Variants in CHN2 observed in about 807,000 individuals in gnomAD.
The protein encoded by CHN2 is beta-chimaerin.
In CHN2, 35 loss-of-function variants were observed where a neutral mutation model predicts 56.3. That is an observed-to-expected ratio of 0.62 (90% CI 0.47 to 0.82). CHN2 has a LOEUF of 0.82. CHN2 is among the 40% of genes least tolerant of loss of function. The pLI is 0.00. For synonymous variants in CHN2, 210 were observed against 212.8 expected (o/e 0.99, Z 0.12); for missense variants, 491 against 580.5 (o/e 0.85, Z 1.58).
intron 6 of CHN2, chr7:29,401,387 G>A (rs1389350644): frequency 6.6e-6 from 1 of 152,018 alleles, no homozygotes; most frequent in Non-Finnish European, 1.5e-5. Flanking sequence ...TCATTTGTGG[G>A]TTTATTTGGA....
intron 12 of CHN2, among the ~76,000 whole-genome samples, chr7:29,510,175 C>T (rs891417918): frequency 3.9e-5 from 6 of 152,108 alleles, no homozygotes; most frequent in South Asian, 4.1e-4. Flanking sequence ...AAATTGCTCC[C>T]GAAACTTAGT....
chr7:29,457,168 C>T lies in CHN2; in HGVS notation c.577-23111C>T, dbSNP rs151056960. On this transcript the variant is annotated intron_variant, in intron 6 of 12. Coordinates refer to ENST00000222792, the MANE Select transcript of CHN2 (RefSeq NM_004067.4). ...CCCAACAAAGTGACCACAACCAGTG[C>T]CACCATCAGAGCAGGTCCTGGATGA... 1.1e-4 allele frequency among the ~76,000 whole-genome samples: 17 copies of T among 152,286 alleles called. No homozygotes were observed. In the East Asian group the frequency reaches 2.7e-3, roughly 24 times the overall value.
chr7:29,167,285 T>A (rs947258953), intron 2 of CHN2, among the ~76,000 whole-genome samples: 1 of 152,218 alleles, frequency 6.6e-6, no homozygotes, highest in Non-Finnish European at 1.5e-5. Flanking sequence ...TAGGCTTACT[T>A]TTTTCATTCA....
chr7:29,204,065 C>G (rs200722077), intron 1 of CHN2, among the ~76,000 whole-genome samples: 65 of 135,998 alleles, frequency 4.8e-4, no homozygotes, highest in East Asian at 1.7e-3. Context: ...TTTTCTCTCT[C>G]TCTGTGTGTG....
intron 2 of CHN2, among the ~76,000 whole-genome samples, chr7:29,150,034 G>A (rs1006239582): frequency 4.6e-5 from 7 of 152,122 alleles, no homozygotes; most frequent in Non-Finnish European, 1.0e-4. Flanking sequence ...CCAACAAATC[G>A]GTTTGCAAAG....
intron 1 of CHN2, among the ~76,000 whole-genome samples, chr7:29,238,015 C>CTTTTTTT (rs11405147): frequency 0.018 from 1,888 of 105,926 alleles, 81 homozygotes; most frequent in Non-Finnish European, 0.028. Context: ...TATGTATTCT[C>CTTTTTTT]TTTTTTTTTT....
chr7:29,159,473 T>A (rs951819053), intron 2 of CHN2, among the ~76,000 whole-genome samples: 4 of 152,196 alleles, frequency 2.6e-5, no homozygotes, highest in Non-Finnish European at 5.9e-5. Flanking sequence ...GAAAACCTAT[T>A]ATTTTTAAAA....
chr7:29,378,478 T>G (rs965092615), intron 3 of CHN2, among the ~76,000 whole-genome samples: 1 of 152,224 alleles, frequency 6.6e-6, no homozygotes, highest in Non-Finnish European at 1.5e-5. Context: ...GAGACTGTTT[T>G]GGTAAATAAA....
chr7:29,300,105 G>A (rs796424244), intron 1 of CHN2, among the ~76,000 whole-genome samples: 27 of 152,148 alleles, frequency 1.8e-4, no homozygotes, highest in East Asian at 5.8e-4. Context: ...CTTCTGTTCC[G>A]GGGTGGAACC....
intron 1 of CHN2, among the ~76,000 whole-genome samples, chr7:29,308,329 C>A (rs1794328586): frequency 6.6e-6 from 1 of 152,192 alleles, no homozygotes; most frequent in African/African-American, 2.4e-5. Flanking sequence ...TTCTTCCCAT[C>A]TTTTAGGCCT....
At position 29,473,470 on chromosome 7, in the gene CHN2, G is replaced by GTT. The variant is rs765290417; in HGVS notation, c.577-6797_577-6796dup. Among the ~76,000 whole-genome samples the GTT allele has an allele frequency of 9.5e-4, 89 of 93,504 alleles. 2 individuals are homozygous for GTT. The highest frequency in any genetic ancestry group is 1.5e-3 in the Non-Finnish European group (75 of 49,140). The allele number at this position is 93,504 out of a possible 152,430, so 61.3% of individuals were successfully genotyped here. On this transcript the variant is annotated intron_variant, in intron 6 of 12. Coordinates refer to ENST00000222792, the MANE Select transcript of CHN2 (RefSeq NM_004067.4). Reference sequence around the variant, plus strand: ...GGGGTGTTTGTGTGTGTGTGTTTGTGTTTTTTTTTTTTTGTGTGTGTGTGT... The same window carrying GTT: ...GGGGTGTTTGTGTGTGTGTGTTTGTGTTTTTTTTTTTTTTTGTGTGTGTGTGT...
intron 1 of CHN2, among the ~76,000 whole-genome samples, chr7:29,242,228 A>G (rs894792580): frequency 3.9e-5 from 6 of 152,202 alleles, no homozygotes; most frequent in African/African-American, 1.4e-4. Context: ...ATCTATTTCT[A>G]CCATGTCACA....
At chr7:29,436,350 C>T (rs1783222666) in intron 6 of CHN2, among the ~76,000 whole-genome samples, 1 of 152,046 alleles carries the variant, frequency 6.6e-6, no homozygotes, top group Admixed American at 6.6e-5. Flanking sequence ...CTTTTATATA[C>T]CTATGCTTAT....
chr7:29,255,574 G>C (rs1245331791), intron 1 of CHN2, among the ~76,000 whole-genome samples: 1 of 152,154 alleles, frequency 6.6e-6, no homozygotes, highest in South Asian at 2.1e-4. Context: ...ATCTAGGTTT[G>C]TGTTTTATAG....
At chr7:29,394,710 G>GT (rs1234132495) in intron 4 of CHN2, among the ~76,000 whole-genome samples, 1 of 152,098 alleles carries the variant, frequency 6.6e-6, no homozygotes, top group Non-Finnish European at 1.5e-5. Flanking sequence ...TTTTTCCTCA[G>GT]TATGCTTATT....
intron 1 of CHN2, among the ~76,000 whole-genome samples, chr7:29,198,789 A>G (rs536890394): frequency 1.3e-5 from 2 of 152,330 alleles, no homozygotes; most frequent in African/African-American, 4.8e-5. Flanking sequence ...TATGATTGCC[A>G]AATGGATAAT....
intron 1 of CHN2, among the ~76,000 whole-genome samples, chr7:29,196,367 A>G (rs565885791): frequency 1.3e-5 from 2 of 152,336 alleles, no homozygotes; most frequent in East Asian, 3.9e-4. Flanking sequence ...TCAAGTTTCT[A>G]GTAGTGGCAG....
chr7:29,368,370 C>A (rs887438201), intron 3 of CHN2, among the ~76,000 whole-genome samples: 4 of 151,920 alleles, frequency 2.6e-5, no homozygotes, highest in Non-Finnish European at 2.9e-5. Flanking sequence ...CTTTCAACGC[C>A]CATATTTAGT....
At chr7:29,464,706 G>C (rs943511016) in intron 6 of CHN2, among the ~76,000 whole-genome samples, 4 of 152,206 alleles carry the variant, frequency 2.6e-5, no homozygotes, top group African/African-American at 9.6e-5. Context: ...ACTCCTGAAT[G>C]TAGCTGATGG....
Sources: allele counts gnomAD v4.1 joint callset (sites outside exome capture counted in the v4.1 genomes callset), GRCh38; gene constraint gnomAD v4.1.1; transcripts MANE v1.5; gene names NCBI Gene and HGNC (gene_info 2026-07-23, HGNC 2026-07-21).